Variants in CCDC178 observed in about 807,000 individuals in gnomAD.
The protein encoded by CCDC178 is coiled-coil domain containing 178.
Under a neutral mutation model 117.4 loss-of-function variants are expected in CCDC178, and 126 were observed. The ratio of observed to expected loss-of-function variants is 1.07; its 90% CI spans 0.93 to 1.24. The LOEUF (loss-of-function observed/expected upper bound fraction) is 1.24, where lower values mean the gene tolerates loss of function less well. Ranked by LOEUF, CCDC178 falls within the 50% of genes most tolerant of loss-of-function variation. The probability of loss-of-function intolerance (pLI) is 0.00; values close to 1 mark genes in which losing one functional copy is unlikely to be tolerated. For missense variants in CCDC178, 1,030 were observed against 986.9 expected (o/e 1.04, Z -0.59); for synonymous variants, 283 against 313.4 (o/e 0.90, Z 1.02).
intron 15 of CCDC178, among the ~76,000 whole-genome samples, chr18:33,229,400 T>G (rs1446415885): frequency 6.6e-6 from 1 of 152,240 alleles, no homozygotes; most frequent in Non-Finnish European, 1.5e-5. Flanking sequence ...AAATGCCATG[T>G]GTTCCCTCAA....
intron 21 of CCDC178, among the ~76,000 whole-genome samples, chr18:33,023,003 T>C (rs934833241): frequency 3.3e-5 from 5 of 152,030 alleles, no homozygotes; most frequent in Admixed American, 6.6e-5. Flanking sequence ...CATTATATAA[T>C]AATAAAAGAA....
intron 8 of CCDC178, among the ~76,000 whole-genome samples, chr18:33,348,373 A>G (rs933872039): frequency 6.6e-6 from 1 of 151,930 alleles, no homozygotes; most frequent in Non-Finnish European, 1.5e-5. Flanking sequence ...TATATTTTAT[A>G]AATTGTGATA....
chr18:33,060,070 A>G (rs1429870064), intron 21 of CCDC178, among the ~76,000 whole-genome samples: 1 of 152,132 alleles, frequency 6.6e-6, no homozygotes, highest in Non-Finnish European at 1.5e-5. Context: ...CTTTTCTACC[A>G]TGTCAGCCTC....
intron 22 of CCDC178, among the ~76,000 whole-genome samples, chr18:32,941,257 A>C (rs1252686289): frequency 1.3e-5 from 2 of 152,092 alleles, no homozygotes; most frequent in Non-Finnish European, 2.9e-5. Flanking sequence ...TGATAATTTC[A>C]ATTACTAGCT....
intron 20 of CCDC178, among the ~76,000 whole-genome samples, chr18:33,194,327 A>G (rs1032374586): frequency 6.6e-6 from 1 of 152,192 alleles, no homozygotes; most frequent in Non-Finnish European, 1.5e-5. Context: ...TGAAATAGGT[A>G]ATCCTGGAGT....
intron 21 of CCDC178, among the ~76,000 whole-genome samples, chr18:33,065,151 A>G (rs1017989360): frequency 1.3e-5 from 2 of 152,186 alleles, no homozygotes; most frequent in African/African-American, 4.8e-5. Context: ...GAAAGTAGCA[A>G]TTAGATAGAA....
chr18:33,167,481 T>G (rs1016421556), intron 20 of CCDC178, among the ~76,000 whole-genome samples: 1 of 152,200 alleles, frequency 6.6e-6, no homozygotes, highest in African/African-American at 2.4e-5. Flanking sequence ...AGTATTTCAT[T>G]GTGGTTTTGA....
chr18:33,032,702 G>A (rs1009588401), intron 21 of CCDC178, among the ~76,000 whole-genome samples: 9 of 151,948 alleles, frequency 5.9e-5, no homozygotes, highest in African/African-American at 1.9e-4. Flanking sequence ...AGAGCTGGAC[G>A]AAAAAAGCAA....
chr18:33,349,004 A>T, intron 7 of CCDC178, 29 bp from the exon 8 acceptor site: 4 of 1,444,416 alleles, frequency 2.8e-6, no homozygotes. Context: ...GCAAGCAGTA[A>T]AGAAGTACTT....
intron 20 of CCDC178, among the ~76,000 whole-genome samples, chr18:33,180,424 AT>A (rs1234512729): frequency 6.6e-6 from 1 of 151,926 alleles, no homozygotes; most frequent in East Asian, 1.9e-4. Flanking sequence ...TAGATCCAGT[AT>A]AATATATCAT....
At chr18:33,244,457 T>C (rs761555418) in intron 15 of CCDC178, among the ~76,000 whole-genome samples, 1 of 151,794 alleles carries the variant, frequency 6.6e-6, no homozygotes, top group Non-Finnish European at 1.5e-5. Flanking sequence ...TGGAGATAAT[T>C]GAATCATGAG....
chr18:32,979,455 G>A (rs2055100624), intron 21 of CCDC178, among the ~76,000 whole-genome samples: 1 of 151,938 alleles, frequency 6.6e-6, no homozygotes, highest in Non-Finnish European at 1.5e-5. Flanking sequence ...CGCTGCGCCC[G>A]GTCCATTTTT....
intron 14 of CCDC178, among the ~76,000 whole-genome samples, chr18:33,262,268 C>A (rs768121637): frequency 1.5e-4 from 23 of 152,176 alleles, no homozygotes; most frequent in African/African-American, 5.6e-4. Context: ...ATCTCAATGA[C>A]TATCTTTCCA....
chr18:33,196,489 T>A (rs975209678), intron 20 of CCDC178, among the ~76,000 whole-genome samples: 3 of 152,122 alleles, frequency 2.0e-5, no homozygotes, highest in Admixed American at 6.5e-5. Context: ...TTTTCTGAAT[T>A]TCGTGAGCTT....
At chr18:32,994,375 A>G (rs2055457652) in intron 21 of CCDC178, among the ~76,000 whole-genome samples, 1 of 152,188 alleles carries the variant, frequency 6.6e-6, no homozygotes, top group South Asian at 2.1e-4. Flanking sequence ...AAAACACCAA[A>G]AACTTTAAAG....
intron 14 of CCDC178, among the ~76,000 whole-genome samples, chr18:33,252,678 G>T (rs770555614): frequency 2.6e-5 from 4 of 151,588 alleles, no homozygotes; most frequent in African/African-American, 7.3e-5. Context: ...AGTAATATTC[G>T]AATTGCTATC....
intron 22 of CCDC178, among the ~76,000 whole-genome samples, chr18:32,964,061 T>C (rs1464645417): frequency 2.0e-5 from 3 of 151,992 alleles, no homozygotes; most frequent in Admixed American, 1.3e-4. Flanking sequence ...CATTTGACCA[T>C]AGGAGAATAA....
chr18:33,179,449 T>C (rs2058709080), intron 20 of CCDC178, among the ~76,000 whole-genome samples: 1 of 151,848 alleles, frequency 6.6e-6, no homozygotes, highest in Admixed American at 6.6e-5. Flanking sequence ...GCATTATCTG[T>C]TTGATCAAAT....
intron 21 of CCDC178, among the ~76,000 whole-genome samples, chr18:33,027,199 A>G (rs981142587): frequency 1.3e-5 from 2 of 151,796 alleles, no homozygotes; most frequent in Admixed American, 1.3e-4. Context: ...ACATGTTATG[A>G]TATCAAGAGT....
Sources: gnomAD v4.1 joint callset for allele counts (sites outside exome capture counted in the v4.1 genomes callset) on GRCh38, gnomAD v4.1.1 for gene constraint, MANE v1.5 for transcripts, NCBI Gene and HGNC (gene_info 2026-07-23, HGNC 2026-07-21) for gene names.